SFPQ: variants seen among roughly 807,000 people sequenced by gnomAD.
SFPQ encodes splicing factor, proline- and glutamine-rich.
A neutral mutation model predicts 72.9 loss-of-function variants in SFPQ; 11 were observed. The observed-to-expected ratio is 0.15, with a 90% CI of 0.09 to 0.25. The LOEUF (loss-of-function observed/expected upper bound fraction) is 0.25. Among genes scored for constraint, SFPQ ranks in the 10% least tolerant of loss-of-function variants. The pLI is 1.00. For missense variants in SFPQ, 847 were observed against 993.3 expected, an observed-to-expected ratio of 0.85 and a Z score of 1.98; for synonymous variants, 506 against 367.3, an observed-to-expected ratio of 1.38 and a Z score of -4.32.
rs1570139143 is a variant in SFPQ, at chr1:35,191,436, T to C, written c.922A>G (p.Ile308Val). Reference protein sequence around the residue: ...RLFVGNLPADITEDEFKRLFA... With the variant: ...RLFVGNLPADVTEDEFKRLFA... Reference sequence around the variant, plus strand: ...AGTCTTTTGAATTCATCCTCCGTGATATCAGCAGGTAGATTCCCAACAAAC... The same window carrying C: ...AGTCTTTTGAATTCATCCTCCGTGACATCAGCAGGTAGATTCCCAACAAAC... Residue 308 changes from isoleucine to valine, a missense_variant, in exon 2 of 10, where the codon ATC becomes GTC. Coordinates refer to ENST00000357214, the MANE Select transcript of SFPQ (RefSeq NM_005066.3). The C allele has an allele frequency of 1.9e-6, 3 of 1,614,152 alleles. No homozygotes were observed. Among genetic ancestry groups the C allele is most frequent in the Non-Finnish European group, 2.5e-6 (3 of 1,179,962 alleles).
chr1:35,180,639 C>T, downstream of SFPQ: 1 of 1,052,212 alleles, frequency 9.5e-7, no homozygotes, highest in Non-Finnish European at 1.1e-6. Context: ...AATCGCATTA[C>T]AAAAAAACCT....
intron 4 of SFPQ, chr1:35,177,475 C>T (rs1439733851): frequency 6.6e-6 from 1 of 152,236 alleles, no homozygotes; most frequent in Non-Finnish European, 1.5e-5. Context: ...ACCTCAGCCT[C>T]CAAGGGAGCT....
downstream of SFPQ, chr1:35,179,129 A>G (rs1639365222): frequency 4.7e-6 from 5 of 1,059,198 alleles, no homozygotes; most frequent in Non-Finnish European, 5.7e-6. Context: ...CCAAAACCAA[A>G]TAAAGGCCCA....
At position 35,192,270 on chromosome 1, in the gene SFPQ, C is replaced by T. The variant is rs1640053982; in HGVS notation, c.780G>A (p.Pro260=). The T allele has an allele frequency of 5.5e-6, 8 of 1,463,522 alleles. No individual in the cohort carries two copies. Among genetic ancestry groups the T allele is most frequent in the Non-Finnish European group, 7.2e-6 (8 of 1,115,284 alleles). 90.7% of individuals were successfully genotyped at this position (1,463,522 alleles called of 1,614,324 possible). ...CGCTGCGGCCGCCGGGCCCGCCGGG[C>T]GGGGGCCCCTGGTGATGCTGCTGGT... ...PYHQQHHQGP[P]PGGPGGRSEE... The change falls in exon 1 of 10, where the codon CCG becomes CCA. Residue 260 remains proline, a synonymous_variant. Transcript: ENST00000357214.
intron 5 of SFPQ, chr1:35,177,243 A>G (rs1639283599): frequency 6.6e-6 from 1 of 152,174 alleles, no homozygotes; most frequent in Non-Finnish European, 1.5e-5. Context: ...TGGTTCCCAC[A>G]TTAGTATTGT....
At chr1:35,191,618 A>G in intron 1 of SFPQ, 89 bp from the exon 2 acceptor site, 5 of 1,001,080 alleles carry the variant, frequency 5.0e-6, no homozygotes, top group Non-Finnish European at 7.4e-6. Flanking sequence ...GAAACCTATC[A>G]GTTGCCTTTC....
downstream of SFPQ, chr1:35,182,400 C>T (rs1315817070): frequency 3.0e-6 from 3 of 985,344 alleles, no homozygotes; most frequent in Non-Finnish European, 2.4e-6. Flanking sequence ...CTCATATTTC[C>T]GAGTGTGCTG....
chr1:35,178,404 A>G (rs547357851), downstream of SFPQ: 4 of 1,066,034 alleles, frequency 3.8e-6, no homozygotes, highest in African/African-American at 1.6e-5. Flanking sequence ...CTTTTTTCAT[A>G]TGAAAGCACA....
At chr1:35,191,634 CG>C in intron 1 of SFPQ, 105 bp from the exon 2 acceptor site, 2 of 834,296 alleles carry the variant, frequency 2.4e-6, no homozygotes, top group East Asian at 5.2e-5. Context: ...CTTTCTGTTC[CG>C]TTTGGTCAAA....
rs181270544 is a variant in SFPQ, at chr1:35,186,989, A to G, written c.1986+12T>C. Reference sequence around the variant, plus strand: ...GAATTTCCTTGGTACTACGTCCCACAGGATACATTACCATGTCACTTCCCA... The same window carrying G: ...GAATTTCCTTGGTACTACGTCCCACGGGATACATTACCATGTCACTTCCCA... On this transcript the variant is annotated intron_variant, in intron 9 of 9. Transcript: ENST00000357214. 9.3e-6 allele frequency: 15 copies of G among 1,609,132 alleles called. No individual in the cohort carries two copies. The East Asian group carries it at 2.2e-4, about 24-fold the overall frequency.
chr1:35,177,892 A>G (rs538559017), intron 4 of SFPQ: 16 of 432,140 alleles, frequency 3.7e-5, no homozygotes, highest in Non-Finnish European at 5.5e-5. Context: ...AACGGTAAAC[A>G]TCTCAAATAT....
At chr1:35,189,452 T>C (rs1639887736) in intron 4 of SFPQ, 70 bp from the exon 5 acceptor site, 1 of 1,232,394 alleles carries the variant, frequency 8.1e-7, no homozygotes, top group African/African-American at 1.5e-5. Flanking sequence ...GCCCTAGTAC[T>C]GATCTTTTTC....
intron 9 of SFPQ, among the ~76,000 whole-genome samples, chr1:35,185,227 T>C (rs1639648675): frequency 6.6e-6 from 1 of 152,200 alleles, no homozygotes; most frequent in Admixed American, 6.5e-5. Flanking sequence ...CAAAAAAACT[T>C]ATGTTGCCAA....
intron 8 of SFPQ, 32 bp downstream of exon 8, chr1:35,187,171 A>G: frequency 6.2e-7 from 1 of 1,613,908 alleles, no homozygotes; most frequent in Non-Finnish European, 8.5e-7. Flanking sequence ...ACTACTCTCT[A>G]CTTATATCAT....
At chr1:35,176,523 C>T (rs1257225556) in intron 5 of SFPQ, 1 of 151,982 alleles carries the variant, frequency 6.6e-6, no homozygotes, top group Non-Finnish European at 1.5e-5. Context: ...TCAGAGTTAC[C>T]AAATTCTCAA....
rs372527404 is a variant in SFPQ, at chr1:35,184,486, G to A, written c.2094C>T (p.Tyr698=). Residue 698 remains tyrosine, a synonymous_variant, in exon 10 of 10, where the codon TAC becomes TAT. Coordinates refer to ENST00000357214, the MANE Select transcript of SFPQ (RefSeq NM_005066.3). ...ATCGGGGTTTTTTGTTTGGGCCTTCGTACTCTTCTCTCCCTCTACCATATC... is the reference window on the plus strand; with the variant it reads ...ATCGGGGTTTTTTGTTTGGGCCTTCATACTCTTCTCTCCCTCTACCATATC... ...PAGYGRGREE[Y]EGPNKKPRF is the part of the protein sequence containing the mutation. 58 of 1,611,948 alleles carry A rather than the reference G, an allele frequency of 3.6e-5. No individual in the cohort carries two copies. Among genetic ancestry groups the A allele is most frequent in the Non-Finnish European group, 2.5e-5 (30 of 1,179,174 alleles).
At chr1:35,179,443 C>T (rs1639377820), downstream of SFPQ, 1 of 1,056,480 alleles carries the variant, frequency 9.5e-7, no homozygotes, top group Non-Finnish European at 1.1e-6. Context: ...ATTCTGGCAT[C>T]ACACCTCTGA....
intron 7 of SFPQ, 42 bp downstream of exon 7, chr1:35,187,931 C>CTA (rs1220243409): frequency 7.9e-7 from 1 of 1,261,290 alleles, no homozygotes; most frequent in African/African-American, 1.5e-5. Context: ...CCTGCAAGTT[C>CTA]TATAGACAAC....
At chr1:35,187,711 A>C (rs1639787563) in intron 7 of SFPQ, among the ~76,000 whole-genome samples, 1 of 152,064 alleles carries the variant, frequency 6.6e-6, no homozygotes, top group African/African-American at 2.4e-5. Context: ...AGCCTGGGTG[A>C]CAAGAGCAAA....
Sources: allele counts gnomAD v4.1 joint callset (sites outside exome capture counted in the v4.1 genomes callset), GRCh38; gene constraint gnomAD v4.1.1; transcripts MANE v1.5; gene names NCBI Gene and HGNC (gene_info 2026-07-23, HGNC 2026-07-21).